The following UPRT variants were observed in gnomAD, a reference collection of about 807,000 sequenced individuals.
The protein encoded by UPRT is RP11-311P8.3.
In UPRT, 5 loss-of-function variants were observed where a neutral mutation model predicts 22.6. The observed-to-expected ratio is 0.22, with a 90% confidence interval of 0.12 to 0.47. The LOEUF (loss-of-function observed/expected upper bound fraction) is 0.47, where lower values mean the gene tolerates loss of function less well. Ranked by LOEUF, UPRT falls within the 20% of genes least tolerant of loss-of-function variation. The pLI, the probability that UPRT is intolerant of heterozygous loss-of-function variation, is 0.99. For synonymous variants in UPRT, 77 were observed against 87.7 expected (o/e 0.88, Z 0.68); for missense variants, 181 against 239.9 (o/e 0.75, Z 1.62).
chrX:75,216,358 T>G (rs766704929), intron 4 of UPRT, among the ~76,000 whole-genome samples: 1 of 112,020 alleles, frequency 8.9e-6, no homozygotes, highest in Non-Finnish European at 1.9e-5. Flanking sequence ...AGGGAACTTC[T>G]TCAACTTCAT....
intron 3 of UPRT, among the ~76,000 whole-genome samples, chrX:75,166,851 T>G (rs1192433301): frequency 8.9e-6 from 1 of 112,496 alleles, no homozygotes; most frequent in Non-Finnish European, 1.9e-5. Flanking sequence ...CATCTGGTGT[T>G]TTTATTTAAT....
At chrX:75,296,709 T>G (rs2082727028) in intron 3 of UPRT, among the ~76,000 whole-genome samples, 2 of 111,693 alleles carry the variant, frequency 1.8e-5, no homozygotes, top group Non-Finnish European at 3.8e-5. Flanking sequence ...GCTGGCAGCT[T>G]ATCTTCATCT....
At chrX:75,232,224 T>A (rs1284239701) in intron 4 of UPRT, among the ~76,000 whole-genome samples, 2 of 112,359 alleles carry the variant, frequency 1.8e-5, no homozygotes, top group African/African-American at 6.5e-5. Context: ...ATACTGCGCT[T>A]TTCCGATGGG....
upstream of UPRT, among the ~76,000 whole-genome samples, chrX:75,270,050 A>C (rs2082603342): frequency 9.0e-6 from 1 of 111,728 alleles, no homozygotes; most frequent in Admixed American, 9.6e-5. Flanking sequence ...ACGTAAATAA[A>C]TTTACAAGAA....
At chrX:75,252,528 A>G (rs753492703) in intron 4 of UPRT, among the ~76,000 whole-genome samples, 1 of 112,481 alleles carries the variant, frequency 8.9e-6, no homozygotes, top group Non-Finnish European at 1.9e-5. Flanking sequence ...CGATCATTAA[A>G]AAGTCAAGAA....
At chrX:75,188,664 C>T (rs1025925357) in intron 4 of UPRT, among the ~76,000 whole-genome samples, 1 of 112,616 alleles carries the variant, frequency 8.9e-6, no homozygotes, top group African/African-American at 3.2e-5. Context: ...GCTGTGCTAG[C>T]AATCAGCGAG....
intron 4 of UPRT, among the ~76,000 whole-genome samples, chrX:75,245,559 A>C (rs762957899): frequency 1.8e-5 from 2 of 112,554 alleles, no homozygotes; most frequent in African/African-American, 6.4e-5. Context: ...CATCAACAGT[A>C]GACTGGATAA....
upstream of UPRT, among the ~76,000 whole-genome samples, chrX:75,272,960 T>G (rs980025448): frequency 9.0e-6 from 1 of 111,610 alleles, no homozygotes; most frequent in African/African-American, 3.3e-5. Context: ...ATAAAGAAAA[T>G]GTGGTACATA....
At chrX:75,185,968 C>G (rs1356500253) in intron 4 of UPRT, among the ~76,000 whole-genome samples, 8 of 103,001 alleles carry the variant, frequency 7.8e-5, no homozygotes, top group African/African-American at 2.7e-4. Context: ...CTTTCAAAAA[C>G]CCAGCTCCTG....
chrX:75,223,848 G>A (rs1480321941), intron 4 of UPRT, among the ~76,000 whole-genome samples: 1 of 111,901 alleles, frequency 8.9e-6, no homozygotes, highest in South Asian at 3.7e-4. Flanking sequence ...GAAGGTTTGT[G>A]TGTGAATCAT....
At chrX:75,238,703 C>A (rs1305904636) in intron 4 of UPRT, among the ~76,000 whole-genome samples, 1 of 111,423 alleles carries the variant, frequency 9.0e-6, no homozygotes, top group Non-Finnish European at 1.9e-5. Flanking sequence ...CAAGATAGAC[C>A]ATATGATAGG....
intron 4 of UPRT, among the ~76,000 whole-genome samples, chrX:75,216,558 A>G: frequency 8.9e-6 from 1 of 112,218 alleles, no homozygotes; most frequent in Middle Eastern, 4.6e-3. Context: ...GAAATAGTAT[A>G]TTCTGTATTG....
chrX:75,184,545 T>G (rs769129674), intron 4 of UPRT, among the ~76,000 whole-genome samples: 152 of 108,642 alleles, frequency 1.4e-3, no homozygotes, highest in Middle Eastern at 9.3e-3. Flanking sequence ...AAGTAGTTTT[T>G]TTCCAATTCT....
At chrX:75,176,392 T>C (rs1442985044) in intron 4 of UPRT, among the ~76,000 whole-genome samples, 1 of 111,755 alleles carries the variant, frequency 8.9e-6, no homozygotes, top group East Asian at 2.8e-4. Flanking sequence ...AGGCCAGGGT[T>C]TGATCTAACA....
chrX:75,270,538 A>T (rs2082605099), upstream of UPRT, among the ~76,000 whole-genome samples: 1 of 112,020 alleles, frequency 8.9e-6, no homozygotes, highest in Non-Finnish European at 1.9e-5. Context: ...GGATAAAGAA[A>T]ATGTGGCACA....
At chrX:75,227,221 A>G (rs543128779) in intron 4 of UPRT, among the ~76,000 whole-genome samples, 1 of 111,603 alleles carries the variant, frequency 9.0e-6, no homozygotes. Flanking sequence ...TGGTTTTCTA[A>G]TCTCCTCCAC....
At chrX:75,272,325 TATATGTATATATATATATACAC>T (rs1212946182), upstream of UPRT, among the ~76,000 whole-genome samples, 3 of 94,449 alleles carry the variant, frequency 3.2e-5, no homozygotes, top group African/African-American at 1.3e-4. Context: ...TATATACATA[TATATGTATATATATATATACAC>T]ATATATATAT....
chrX:75,160,350 G>A (rs1254141757), intron 1 of UPRT, among the ~76,000 whole-genome samples: 1 of 110,879 alleles, frequency 9.0e-6, no homozygotes, highest in African/African-American at 3.3e-5. Flanking sequence ...GAGTCTGTAG[G>A]GTAGTGTCTC....
intron 4 of UPRT, among the ~76,000 whole-genome samples, chrX:75,237,446 T>C (rs1300164099): frequency 9.0e-6 from 1 of 111,474 alleles, no homozygotes; most frequent in African/African-American, 3.3e-5. Flanking sequence ...ATCCCATTAC[T>C]GGGTATATAC....
Sources: gnomAD v4.1 joint callset for allele counts (sites outside exome capture counted in the v4.1 genomes callset) on GRCh38, gnomAD v4.1.1 for gene constraint, MANE v1.5 for transcripts, NCBI Gene and HGNC (gene_info 2026-07-23, HGNC 2026-07-21) for gene names.